Variants in CELA3B observed in about 807,000 individuals in gnomAD.
The protein encoded by CELA3B is chymotrypsin-like elastase family member 3B.
CELA3B carries 34 observed loss-of-function variants against 37.2 expected under a neutral mutation model. That is an observed-to-expected ratio of 0.91 (90% CI 0.70 to 1.22). CELA3B has a LOEUF of 1.22. Ranked by LOEUF, CELA3B falls within the 50% of genes most tolerant of loss-of-function variation. CELA3B has a pLI of 0.00. For synonymous variants in CELA3B, 127 were observed against 143.5 expected (o/e 0.89, Z 0.82); for missense variants, 340 against 363.1 (o/e 0.94, Z 0.52).
At chr1:21,997,878 T>C (rs1238893055) in intron 4 of CELA3B, among the ~76,000 whole-genome samples, 1 of 151,356 alleles carries the variant, frequency 6.6e-6, no homozygotes, top group East Asian at 1.9e-4. Flanking sequence ...TCTTAGATAA[T>C]GTGATAGTCA....
intron 1 of CELA3B, among the ~76,000 whole-genome samples, chr1:21,977,599 A>T (rs1644779754): frequency 6.6e-6 from 1 of 152,134 alleles, no homozygotes; most frequent in African/African-American, 2.4e-5. Context: ...TTTTCCTTAT[A>T]CTTTCTCATG....
downstream of CELA3B, among the ~76,000 whole-genome samples, chr1:21,993,477 A>AAAG (rs760523146): frequency 9.9e-6 from 1 of 100,772 alleles, no homozygotes. Flanking sequence ...AAAAAAAAAA[A>AAAG]AAGAAGAAGA....
intron 4 of CELA3B, among the ~76,000 whole-genome samples, chr1:21,997,098 G>C (rs958178649): frequency 6.6e-6 from 1 of 151,282 alleles, no homozygotes; most frequent in African/African-American, 2.4e-5. Context: ...GGTGGCTCAC[G>C]CCTGTAATCC....
chr1:21,989,874 A>G (rs1235691099), downstream of CELA3B, among the ~76,000 whole-genome samples: 1 of 150,692 alleles, frequency 6.6e-6, no homozygotes, highest in Non-Finnish European at 1.5e-5. Flanking sequence ...ATTTAAAGAT[A>G]GCTCTCTTAG....
At chr1:21,995,386 C>T (rs1242637721) in intron 4 of CELA3B, among the ~76,000 whole-genome samples, 1 of 150,952 alleles carries the variant, frequency 6.6e-6, no homozygotes, top group African/African-American at 2.5e-5. Flanking sequence ...GATCTGTCTG[C>T]CTCGGCCTCA....
rs144802255 is a variant in CELA3B, at chr1:21,980,872, G to A, written c.178G>A (p.Gly60Ser). 3.7e-6 allele frequency: 6 copies of A among 1,611,624 alleles called. No homozygotes were observed. The highest frequency in any genetic ancestry group is 2.2e-5 in the East Asian group (1 of 44,816). ...CGGAAGCTTCTACCACACCTGTGGC[G>A]GTAGCCTCATCGCCCCCGACTGGGT... ...KSGSFYHTCG[G>S]SLIAPDWVVT... Residue 60 changes from glycine (G) to serine (S), a missense_variant, in exon 3 of 8, where the codon GGT (glycine) becomes AGT (serine). By Grantham distance (56) the Gly-to-Ser change is moderately conservative (BLOSUM62 0). Transcript: ENST00000337107.
At chr1:21,995,199 A>T (rs1484538872) in intron 4 of CELA3B, among the ~76,000 whole-genome samples, 1 of 138,210 alleles carries the variant, frequency 7.2e-6, no homozygotes, top group Non-Finnish European at 1.5e-5. Context: ...GCTGGAGTGC[A>T]GTGGCATGAC....
intron 2 of CELA3B, among the ~76,000 whole-genome samples, chr1:21,979,674 G>A (rs1346961159): frequency 1.3e-5 from 2 of 150,948 alleles, no homozygotes; most frequent in Middle Eastern, 3.4e-3. Context: ...GGCTTGCCTC[G>A]AACTTCTGAG....
At chr1:21,982,248 G>A (rs542043823) in intron 4 of CELA3B, among the ~76,000 whole-genome samples, 7 of 152,212 alleles carry the variant, frequency 4.6e-5, no homozygotes, top group African/African-American at 1.7e-4. Flanking sequence ...TGAAGACAGA[G>A]GGCAGTGGTT....
At chr1:21,987,288 A>G (rs780958863) in intron 7 of CELA3B, among the ~76,000 whole-genome samples, 5 of 151,594 alleles carry the variant, frequency 3.3e-5, no homozygotes, top group Non-Finnish European at 7.4e-5. Context: ...CCCTGTCTCT[A>G]CTAAAAATAC....
At chr1:21,988,073 G>A (rs61777966) in intron 7 of CELA3B, among the ~76,000 whole-genome samples, 69,075 of 147,716 alleles carry the variant, frequency 0.47, 19,467 homozygotes, top group Middle Eastern at 0.69. Context: ...TTAGCCGGGC[G>A]TATTGGTGCA....
chr1:21,982,596 C>CA (rs71016964), intron 4 of CELA3B, among the ~76,000 whole-genome samples: 142,381 of 150,674 alleles, frequency 0.94, 67,615 homozygotes, highest in Non-Finnish European at 0.99. Flanking sequence ...TACCCTGTCT[C>CA]AAAAAAAAAG....
chr1:21,980,393 C>T (rs1031558548), intron 2 of CELA3B, among the ~76,000 whole-genome samples: 16 of 152,154 alleles, frequency 1.1e-4, no homozygotes, highest in Non-Finnish European at 1.5e-5. Context: ...GCAGGAGAGT[C>T]GCTTGAACCC....
At chr1:21,983,938 A>G (rs1475244964) in intron 5 of CELA3B, 108 bp downstream of exon 5, 1 of 1,373,120 alleles carries the variant, frequency 7.3e-7, no homozygotes, top group African/African-American at 1.4e-5. Context: ...CTTTTCTCCC[A>G]TTTCTCTCCA....
intron 4 of CELA3B, 67 bp downstream of exon 4, chr1:21,981,239 G>A: frequency 6.6e-7 from 1 of 1,518,200 alleles, no homozygotes; most frequent in Non-Finnish European, 8.9e-7. Context: ...CCACAGCCAA[G>A]TCTGAGTAGG....
chr1:21,997,959 A>T (rs1195384341), intron 4 of CELA3B, among the ~76,000 whole-genome samples: 3 of 151,348 alleles, frequency 2.0e-5, no homozygotes, highest in Admixed American at 6.6e-5. Flanking sequence ...AGAGGGAAAC[A>T]GTCTGCCCTG....
In CELA3B at chr1:21,995,243, A is replaced by G. The variant is rs1173632987; in HGVS notation, c.505-2908A>G. On this transcript the variant is annotated intron_variant, in intron 4 of 4. Transcript: ENST00000400277. ...AACCTCTGCCTCTGAAGTTCAAGCA[A>G]TTCTGCAGCCTCAGCCTCCCAAGAA... is the stretch of plus-strand genomic sequence containing the variant. Among the ~76,000 whole-genome samples, 9 of 148,962 alleles carry G rather than the reference A, an allele frequency of 6.0e-5. 1 individual carries two copies. The highest frequency in any genetic ancestry group is 1.2e-4 in the Non-Finnish European group (8 of 67,470).
At position 21,987,923 on chromosome 1, in the gene CELA3B, A is replaced by G. The variant is rs542365908; in HGVS notation, c.795+1240A>G. The G allele has an allele frequency of 2.6e-5, 4 of 151,954 alleles. 1 individual carries two copies. Among genetic ancestry groups the G allele is most frequent in the African/African-American group, 9.7e-5 (4 of 41,244 alleles). The allele number at this position is 151,954 out of a possible 1,614,324, so 9.4% of individuals were successfully genotyped here. A position where few individuals can be genotyped will look rare whatever the true frequency, so the allele number is the denominator to read the frequency against. ...TCATGAAGGCTTCCATTAAAAAAAC[A>G]TTTCTGGCCAAGTACAGTGGTTCAT... is the stretch of plus-strand genomic sequence containing the variant. On this transcript the variant is annotated intron_variant, in intron 7 of 7. Transcript: ENST00000337107.
At position 21,977,096 on chromosome 1, in the gene CELA3B, C is replaced by CTG. The variant is rs1315862143; in HGVS notation, c.43+23_43+24dup. 2 of 1,614,050 alleles carry CTG rather than the reference C, an allele frequency of 1.2e-6. No homozygotes were observed. Among genetic ancestry groups the CTG allele is most frequent in the Non-Finnish European group, 1.7e-6 (2 of 1,180,038 alleles). ...TTGTGGCCGTTGGTAAGACCCCAAC[C>CTG]TGTGTGTGTGCTCCCTGGGCTGCCC... On this transcript the variant is annotated intron_variant, in intron 1 of 7. Coordinates refer to ENST00000337107, the MANE Select transcript of CELA3B (RefSeq NM_007352.4).
Sources: allele counts gnomAD v4.1 joint callset (sites outside exome capture counted in the v4.1 genomes callset), GRCh38; gene constraint gnomAD v4.1.1; transcripts MANE v1.5; gene names NCBI Gene and HGNC (gene_info 2026-07-23, HGNC 2026-07-21).